Variants in SLC7A11 observed in about 807,000 individuals in gnomAD.
SLC7A11 encodes cystine/glutamate transporter.
In SLC7A11, 35 loss-of-function variants were observed where a neutral mutation model predicts 54.5. That is an observed-to-expected ratio of 0.64 (90% CI 0.49 to 0.85). SLC7A11 has a LOEUF of 0.85. Among genes scored for constraint, SLC7A11 ranks in the 40% least tolerant of loss-of-function variants. The pLI is 0.00. For missense variants in SLC7A11, 583 were observed against 618.1 expected, an observed-to-expected ratio of 0.94 and a Z score of 0.60; for synonymous variants, 230 against 225.2, an observed-to-expected ratio of 1.02 and a Z score of -0.19.
At chr4:138,193,308 C>A (rs575450506) in intron 6 of SLC7A11, among the ~76,000 whole-genome samples, 3 of 152,244 alleles carry the variant, frequency 2.0e-5, no homozygotes, top group South Asian at 4.1e-4. Context: ...ATAAGATAAG[C>A]AATGGGATTA....
intron 3 of SLC7A11, among the ~76,000 whole-genome samples, chr4:138,230,325 G>A (rs187754687): frequency 6.6e-6 from 1 of 151,282 alleles, no homozygotes; most frequent in African/African-American, 2.4e-5. Context: ...GTACCTGGGT[G>A]ATGAGACAAT....
At chr4:138,213,532 C>CT (rs1553944365) in intron 6 of SLC7A11, among the ~76,000 whole-genome samples, 1 of 148,862 alleles carries the variant, frequency 6.7e-6, no homozygotes, top group Non-Finnish European at 1.5e-5. Flanking sequence ...TTGTGTTTCT[C>CT]CTCTCTCTCT....
intron 3 of SLC7A11, among the ~76,000 whole-genome samples, chr4:138,228,740 C>A (rs1578669420): frequency 9.4e-6 from 1 of 106,440 alleles, no homozygotes; most frequent in Non-Finnish European, 1.7e-5. Context: ...GCCTGGGCGA[C>A]AGAGCAAGAC....
intron 6 of SLC7A11, among the ~76,000 whole-genome samples, chr4:138,196,538 T>C (rs947845065): frequency 6.6e-6 from 1 of 152,152 alleles, no homozygotes; most frequent in African/African-American, 2.4e-5. Flanking sequence ...GTTTTGTGTA[T>C]GCATATTTAG....
rs1169641615 is a variant in SLC7A11 at position 138,237,737 on chromosome 4, A to ATTTTTTT, written c.278-1293_278-1287dup. On this transcript the variant is annotated intron_variant, in intron 1 of 11. Transcript: ENST00000280612. ...TATATATATATATATATATATATAT[A>ATTTTTTT]TTTTTTTTTTTTTTTTTTTTTTTTT... Among the ~76,000 whole-genome samples, 5 of 9,828 alleles carry ATTTTTTT rather than the reference A, an allele frequency of 5.1e-4. 1 individual carries two copies. The highest frequency in any genetic ancestry group is 6.6e-4 in the Non-Finnish European group (4 of 6,020). 6.4% of individuals were successfully genotyped at this position (9,828 alleles called of 152,430 possible).
chr4:138,232,224 T>G lies in SLC7A11; in HGVS notation c.520+43A>C, dbSNP rs112122898. ...AAGACACTTTGTCTTCAATCATTTT[T>G]GTGTTGTTTTTCCTTTTTCACATAT... On this transcript the variant is annotated intron_variant, in intron 3 of 11. Coordinates refer to ENST00000280612, the MANE Select transcript of SLC7A11 (RefSeq NM_014331.4). 5.3e-5 allele frequency: 66 copies of G among 1,243,322 alleles called. 1 individual carries two copies. In the African/African-American group the frequency reaches 7.2e-4, roughly 14 times the overall value. The allele number at this position is 1,243,322 out of a possible 1,614,324, so 77.0% of individuals were successfully genotyped here. A position where few individuals can be genotyped will look rare whatever the true frequency, so the allele number is the denominator to read the frequency against.
At chr4:138,208,940 G>T (rs1459111670) in intron 6 of SLC7A11, among the ~76,000 whole-genome samples, 2 of 151,960 alleles carry the variant, frequency 1.3e-5, no homozygotes, top group Non-Finnish European at 2.9e-5. Context: ...CACACAAACA[G>T]AAATTTTGCC....
chr4:138,203,541 G>C (rs2148429536), intron 6 of SLC7A11, among the ~76,000 whole-genome samples: 1 of 151,816 alleles, frequency 6.6e-6, no homozygotes, highest in East Asian at 1.9e-4. Flanking sequence ...CATATCTTTG[G>C]ACTTGGACAG....
chr4:138,241,479 C>T (rs1486721597), intron 1 of SLC7A11, among the ~76,000 whole-genome samples: 1 of 152,110 alleles, frequency 6.6e-6, no homozygotes, highest in Admixed American at 6.5e-5. Context: ...CTGCCCGGCA[C>T]AGAAAGTGTG....
At chr4:138,214,139 G>A (rs564802225) in intron 6 of SLC7A11, among the ~76,000 whole-genome samples, 1 of 151,992 alleles carries the variant, frequency 6.6e-6, no homozygotes, top group South Asian at 2.1e-4. Context: ...CTAGGCTTTT[G>A]TAACTAGTCG....
At chr4:138,209,670 G>A (rs78378995) in intron 6 of SLC7A11, among the ~76,000 whole-genome samples, 2,199 of 152,012 alleles carry the variant, frequency 0.014, 30 homozygotes, top group Non-Finnish European at 0.02. Context: ...AAAATACCTA[G>A]AAATACATCT....
rs1244855600 is a variant in SLC7A11 at position 138,170,244 on chromosome 4, G to A, written c.*1712C>T. 2.4e-5 allele frequency: 2 copies of A among 84,656 alleles called. No individual in the cohort carries two copies. The highest frequency in any genetic ancestry group is 4.2e-5 in the African/African-American group (1 of 23,736). The allele number at this position is 84,656 out of a possible 1,614,324, so 5.2% of individuals were successfully genotyped here. On this transcript the variant is annotated 3_prime_UTR_variant, in exon 12 of 12. Transcript: ENST00000280612. Reference sequence around the variant, plus strand: ...ATATATATATAAAAAGTGTGTGTGTGTGTGTGTATATATATATATATATAT... The same window carrying A: ...ATATATATATAAAAAGTGTGTGTGTATGTGTGTATATATATATATATATAT...
At chr4:138,223,603 G>A (rs938043924) in intron 3 of SLC7A11, among the ~76,000 whole-genome samples, 1 of 152,172 alleles carries the variant, frequency 6.6e-6, no homozygotes, top group African/African-American at 2.4e-5. Flanking sequence ...GTATGTAAGA[G>A]TGGACATATA....
At chr4:138,186,612 AGAGGGT>A (rs1253197618) in intron 6 of SLC7A11, among the ~76,000 whole-genome samples, 4 of 152,144 alleles carry the variant, frequency 2.6e-5, no homozygotes, top group Non-Finnish European at 5.9e-5. Context: ...CCTAGTGTGA[AGAGGGT>A]CCTGTGGAAT....
At chr4:138,191,667 T>C (rs1318434419) in intron 6 of SLC7A11, among the ~76,000 whole-genome samples, 2 of 152,192 alleles carry the variant, frequency 1.3e-5, no homozygotes, top group Middle Eastern at 3.2e-3. Context: ...ATCTATTCAT[T>C]ATTTTTATTC....
chr4:138,219,920 C>A (rs761661035), intron 4 of SLC7A11, among the ~76,000 whole-genome samples: 2 of 147,310 alleles, frequency 1.4e-5, no homozygotes, highest in Non-Finnish European at 3.0e-5. Context: ...CCATGTGTGT[C>A]AACCCAAACT....
chr4:138,182,420 T>C, intron 8 of SLC7A11, 27 bp from the exon 9 acceptor site: 2 of 1,360,312 alleles, frequency 1.5e-6, no homozygotes, highest in Non-Finnish European at 2.1e-6. Flanking sequence ...GTGGGTGGAG[T>C]TGACTGTATG....
chr4:138,237,690 G>A (rs1239808552), intron 1 of SLC7A11, among the ~76,000 whole-genome samples: 2 of 105,542 alleles, frequency 1.9e-5, no homozygotes, highest in African/African-American at 3.7e-5. Flanking sequence ...GAGCCACTGC[G>A]CCTAGCCAGA....
At chr4:138,201,649 G>A (rs1191217236) in intron 6 of SLC7A11, among the ~76,000 whole-genome samples, 1 of 152,038 alleles carries the variant, frequency 6.6e-6, no homozygotes, top group Non-Finnish European at 1.5e-5. Context: ...CAACAGTCAA[G>A]CAGTACAGAA....
Sources: gnomAD v4.1 joint callset for allele counts (sites outside exome capture counted in the v4.1 genomes callset) on GRCh38, gnomAD v4.1.1 for gene constraint, MANE v1.5 for transcripts, NCBI Gene and HGNC (gene_info 2026-07-23, HGNC 2026-07-21) for gene names.